Variants in MYOM1 observed in about 807,000 individuals in gnomAD.
MYOM1 encodes the protein myomesin 1, also known as myomesin-1.
Under a neutral mutation model 205.3 loss-of-function variants are expected in MYOM1, and 164 were observed. The observed-to-expected ratio is 0.80, with a 90% confidence interval of 0.70 to 0.91. The LOEUF (loss-of-function observed/expected upper bound fraction) is 0.91. Ranked by LOEUF, MYOM1 falls within the 40% of genes least tolerant of loss-of-function variation. The pLI, the probability that MYOM1 is intolerant of heterozygous loss-of-function variation, is 0.00. For missense variants in MYOM1, 2,011 were observed against 2,127.3 expected (o/e 0.95, Z 1.08); for synonymous variants, 772 against 789.4 (o/e 0.98, Z 0.37).
rs954034357 is a variant in MYOM1 at position 3,079,437 on chromosome 18, T to C, written c.4485-95A>G. On this transcript the variant is annotated intron_variant, in intron 33 of 37. Transcript: ENST00000356443. ...TTGAAGCTCTTGCCATAAAGTTTTGTAGGCTTTCAAAAAACGAGGGATCTG... is the reference window on the plus strand; with the variant it reads ...TTGAAGCTCTTGCCATAAAGTTTTGCAGGCTTTCAAAAAACGAGGGATCTG... The C allele has an allele frequency of 1.6e-5, 22 of 1,377,962 alleles. No individual in the cohort carries two copies. The African/African-American group carries it at 2.1e-4, about 13-fold the overall frequency. The allele number at this position is 1,377,962 out of a possible 1,614,324, so 85.4% of individuals were successfully genotyped here.
intron 22 of MYOM1, among the ~76,000 whole-genome samples, chr18:3,110,457 G>A (rs535360232): frequency 7.2e-4 from 109 of 152,292 alleles, no homozygotes; most frequent in Middle Eastern, 6.8e-3. Context: ...GACGACTGGG[G>A]TGAAGTGCAC....
chr18:3,144,755 T>C (rs2080101401), intron 13 of MYOM1, among the ~76,000 whole-genome samples: 1 of 152,060 alleles, frequency 6.6e-6, no homozygotes. Context: ...AACAATAAAG[T>C]GGTCAATTCA....
intron 34 of MYOM1, among the ~76,000 whole-genome samples, chr18:3,077,218 G>A (rs951598790): frequency 6.6e-6 from 1 of 151,538 alleles, no homozygotes; most frequent in South Asian, 2.1e-4. Flanking sequence ...AGGGTCTTGC[G>A]ATGTTGTCCA....
chr18:3,067,039 T>G lies in MYOM1; in HGVS notation c.*223A>C, dbSNP rs2078902538. On this transcript the variant is annotated 3_prime_UTR_variant, in exon 38 of 38. Coordinates refer to ENST00000356443, the MANE Select transcript of MYOM1 (RefSeq NM_003803.4). ...TCTCCTTAAAACTGTTTCCTAATCT[T>G]CATGCTATGAATGGTATTTTCTTAA... The G allele has an allele frequency of 3.6e-6, 2 of 555,258 alleles. No individual in the cohort carries two copies. The highest frequency in any genetic ancestry group is 3.2e-6 in the Non-Finnish European group (1 of 315,010). The allele number at this position is 555,258 out of a possible 1,614,324, so 34.4% of individuals were successfully genotyped here.
intron 32 of MYOM1, 35 bp downstream of exon 32, chr18:3,083,954 T>C (rs1435155126): frequency 6.3e-7 from 1 of 1,584,318 alleles, no homozygotes; most frequent in Non-Finnish European, 8.6e-7. Context: ...AGGAGGATCA[T>C]AAAGCATTGT....
intron 3 of MYOM1, among the ~76,000 whole-genome samples, chr18:3,191,045 G>A (rs186465102): frequency 1.3e-4 from 20 of 152,174 alleles, no homozygotes; most frequent in African/African-American, 2.4e-4. Flanking sequence ...CAGGCAATAG[G>A]GATATTCTCC....
chr18:3,241,697 A>G, the MYOM1 span, among the ~76,000 whole-genome samples: 1 of 152,212 alleles, frequency 6.6e-6, no homozygotes. Context: ...CAGACCACAG[A>G]GTGATGGATA....
chr18:3,217,598 A>T (rs896101999), intron 1 of MYOM1, among the ~76,000 whole-genome samples: 1 of 152,220 alleles, frequency 6.6e-6, no homozygotes, highest in African/African-American at 2.4e-5. Context: ...TCAACAGCAT[A>T]TAGGTGGTAT....
At chr18:3,234,081 A>G in the MYOM1 span, among the ~76,000 whole-genome samples, 2 of 152,210 alleles carry the variant, frequency 1.3e-5, no homozygotes, top group Non-Finnish European at 2.9e-5. Flanking sequence ...ACTCATCTGT[A>G]AAATGGAGGT....
chr18:3,238,094 C>G, the MYOM1 span, among the ~76,000 whole-genome samples: 1 of 152,130 alleles, frequency 6.6e-6, no homozygotes, highest in Non-Finnish European at 1.5e-5. Flanking sequence ...ATATACAACT[C>G]ACCATAATGT....
At chr18:3,247,123 G>A in the MYOM1 span, 18 of 152,214 alleles carry the variant, frequency 1.2e-4, no homozygotes, top group South Asian at 4.1e-4. Context: ...GAAAAACGAC[G>A]GCAAATGTTT....
At chr18:3,244,642 G>A in the MYOM1 span, among the ~76,000 whole-genome samples, 1 of 151,782 alleles carries the variant, frequency 6.6e-6, no homozygotes, top group East Asian at 1.9e-4. Flanking sequence ...TGTAATCCAA[G>A]CACTTTGGGA....
At position 3,135,529 on chromosome 18, in the gene MYOM1, A is replaced by C; in HGVS notation, c.2209+18T>G. 1 of 1,605,886 alleles carries C rather than the reference A, an allele frequency of 6.2e-7. No homozygotes were observed. Among genetic ancestry groups the C allele is most frequent in the Middle Eastern group, 1.7e-4 (1 of 6,028 alleles). On this transcript the variant is annotated intron_variant, in intron 15 of 37. Coordinates refer to ENST00000356443, the MANE Select transcript of MYOM1 (RefSeq NM_003803.4). The surrounding 1 kb of genome is among the most constrained non-coding windows in gnomAD (Gnocchi z 4.1). ...TTGAAATTTTCTCTTGAAGTAAAAG[A>C]AGTTTACAGTTGCTTACCAAGTTTG...
the MYOM1 span, among the ~76,000 whole-genome samples, chr18:3,238,531 A>G: frequency 0.2 from 30,749 of 152,096 alleles, 3,314 homozygotes; most frequent in East Asian, 0.34. Context: ...TGACTTATTT[A>G]AAGGGTTTTC....
intron 5 of MYOM1, among the ~76,000 whole-genome samples, chr18:3,182,366 T>C (rs1162449866): frequency 6.6e-6 from 1 of 152,200 alleles, no homozygotes; most frequent in African/African-American, 2.4e-5. Flanking sequence ...TACACCAACA[T>C]GGCACATGTA....
intron 2 of MYOM1, among the ~76,000 whole-genome samples, chr18:3,196,882 T>C (rs533493924): frequency 5.3e-5 from 8 of 152,196 alleles, no homozygotes; most frequent in African/African-American, 9.7e-5. Context: ...GAAAATATCA[T>C]AACCACCTAC....
rs185484818 is a variant in MYOM1, at chr18:3,209,151, C to A, written c.290+5783G>T. 6.6e-6 allele frequency among the ~76,000 whole-genome samples: 1 copy of A among 152,142 alleles called. No individual in the cohort carries two copies. The highest frequency in any genetic ancestry group is 1.5e-5 in the Non-Finnish European group (1 of 68,020). ...AGAGGGAATCTGGGAAAATGGGGAA[C>A]AAGTGAATGGTTTTACTATCATCAT... On this transcript the variant is annotated intron_variant, in intron 2 of 37. Transcript: ENST00000356443. The surrounding 1 kb of genome is among the most constrained non-coding windows in gnomAD (Gnocchi z 4.0).
intron 27 of MYOM1, among the ~76,000 whole-genome samples, 189 bp from the exon 28 acceptor site, chr18:3,089,785 A>AG (rs2079197932): frequency 6.6e-6 from 1 of 152,242 alleles, no homozygotes; most frequent in African/African-American, 2.4e-5. Context: ...AAGGTCATAA[A>AG]GCTAGGAAAC....
At chr18:3,197,803 G>T (rs889130967) in intron 2 of MYOM1, among the ~76,000 whole-genome samples, 6 of 152,044 alleles carry the variant, frequency 3.9e-5, no homozygotes, top group Admixed American at 6.5e-5. Context: ...AACCTGGGAG[G>T]CAGAGCTTGC....
Sources: allele counts gnomAD v4.1 joint callset (sites outside exome capture counted in the v4.1 genomes callset), GRCh38; gene constraint gnomAD v4.1.1; non-coding constraint Gnocchi (gnomAD v3.1); transcripts MANE v1.5; gene names NCBI Gene and HGNC (gene_info 2026-07-23, HGNC 2026-07-21).